ANTXR2: variants seen among roughly 807,000 people sequenced by gnomAD.
ANTXR2 encodes ANTXR cell adhesion molecule 2, also known as anthrax toxin receptor 2.
In ANTXR2, 44 loss-of-function variants were observed where a neutral mutation model predicts 73.7. The ratio of observed to expected loss-of-function variants is 0.60; its 90% CI spans 0.47 to 0.77. The LOEUF (loss-of-function observed/expected upper bound fraction) is 0.77, where lower values mean the gene tolerates loss of function less well. Among genes scored for constraint, ANTXR2 ranks in the 30% least tolerant of loss-of-function variants. The pLI is 0.00. For missense variants in ANTXR2, 604 were observed against 592.5 expected, an observed-to-expected ratio of 1.02 and a Z score of -0.20; for synonymous variants, 217 against 205.9, an observed-to-expected ratio of 1.05 and a Z score of -0.46.
rs373264816 is a variant in ANTXR2 at position 79,903,148 on chromosome 4, C to CAA, written c.*4279_*4280dup. On this transcript the variant is annotated 3_prime_UTR_variant, in exon 17 of 17. Coordinates refer to ENST00000403729, the MANE Select transcript of ANTXR2 (RefSeq NM_058172.6). ...TGGGTGACAGAGTGAGACTCTGTTT[C>CAA]AAAAAAAAGAAAAAAAATCTAGTCA... 756 of 144,102 alleles carry CAA rather than the reference C, an allele frequency of 5.2e-3. 8 individuals carry two copies. The highest frequency in any genetic ancestry group is 0.02 in the East Asian group (99 of 5,054). The allele number at this position is 144,102 out of a possible 1,614,324, so 8.9% of individuals were successfully genotyped here. A position where few individuals can be genotyped will look rare whatever the true frequency, so the allele number is the denominator to read the frequency against.
Position 80,072,708 on chromosome 4 carries a change from C to T in ANTXR2, c.-148G>A. 2.2e-6 allele frequency: 3 copies of T among 1,348,738 alleles called. No homozygotes were observed. The allele number at this position is 1,348,738 out of a possible 1,614,324, so 83.5% of individuals were successfully genotyped here. ...CCGGCGCCTGCGGCAGCGGGACCCA[C>T]CAGCTGACAGGGAGGGAGAGAGGGA... On this transcript the variant is annotated 5_prime_UTR_variant, in exon 1 of 17. The change creates a new upstream start codon in the 5' untranslated region. Coordinates refer to ENST00000403729, the MANE Select transcript of ANTXR2 (RefSeq NM_058172.6).
chr4:79,977,526 T>C (rs763650206), intron 16 of ANTXR2, 95 bp downstream of exon 16: 123 of 1,519,080 alleles, frequency 8.1e-5, no homozygotes, highest in East Asian at 3.0e-4. Flanking sequence ...TCAAGTGCAA[T>C]AGGGCTTTAA....
chr4:79,956,931 A>G (rs1364186856), intron 16 of ANTXR2, among the ~76,000 whole-genome samples: 1 of 152,120 alleles, frequency 6.6e-6, no homozygotes, highest in Non-Finnish European at 1.5e-5. Flanking sequence ...TTTGTGTTCT[A>G]AAAAACAGAG....
intron 12 of ANTXR2, among the ~76,000 whole-genome samples, chr4:80,003,111 C>T (rs1385856023): frequency 2.0e-5 from 3 of 151,956 alleles, no homozygotes; most frequent in Non-Finnish European, 4.4e-5. Flanking sequence ...CATATGCACA[C>T]GTATGTTTAT....
chr4:79,998,732 G>T (rs574077129), intron 12 of ANTXR2, among the ~76,000 whole-genome samples: 20 of 151,950 alleles, frequency 1.3e-4, no homozygotes, highest in Non-Finnish European at 2.5e-4. Flanking sequence ...TGGATATGAG[G>T]AAGGATACTC....
At chr4:80,009,120 C>G (rs1275229937) in intron 11 of ANTXR2, among the ~76,000 whole-genome samples, 1 of 152,158 alleles carries the variant, frequency 6.6e-6, no homozygotes, top group Non-Finnish European at 1.5e-5. Flanking sequence ...ATATACACAT[C>G]AATGCAAGAA....
chr4:79,954,693 A>C (rs1312257259), intron 16 of ANTXR2, among the ~76,000 whole-genome samples: 1 of 152,194 alleles, frequency 6.6e-6, no homozygotes, highest in Non-Finnish European at 1.5e-5. Context: ...ATATACTTTC[A>C]TCTAATTAAT....
At chr4:80,023,772 CAGTAAA>C (rs1732288526) in intron 10 of ANTXR2, among the ~76,000 whole-genome samples, 1 of 152,026 alleles carries the variant, frequency 6.6e-6, no homozygotes, top group African/African-American at 2.4e-5. Context: ...ACAGTCAAGG[CAGTAAA>C]AGTGATTCAG....
intron 16 of ANTXR2, among the ~76,000 whole-genome samples, chr4:79,964,186 C>A (rs1729258780): frequency 6.6e-6 from 1 of 152,174 alleles, no homozygotes; most frequent in South Asian, 2.1e-4. Context: ...TGAAGGTTAA[C>A]ATAACCTCGA....
intron 10 of ANTXR2, among the ~76,000 whole-genome samples, chr4:80,021,005 C>T (rs543121051): frequency 2.6e-5 from 4 of 151,732 alleles, no homozygotes; most frequent in Admixed American, 6.6e-5. Context: ...AAAAATTAGC[C>T]GGGCATGGTG....
intron 7 of ANTXR2, among the ~76,000 whole-genome samples, chr4:80,047,179 A>C (rs771436818): frequency 1.1e-4 from 17 of 151,844 alleles, no homozygotes; most frequent in Non-Finnish European, 2.2e-4. Context: ...TAATTTTCTT[A>C]AACTACAATC....
chr4:80,062,549 C>G (rs1274861545), intron 3 of ANTXR2, among the ~76,000 whole-genome samples: 4 of 152,214 alleles, frequency 2.6e-5, no homozygotes, highest in African/African-American at 9.7e-5. Context: ...CTGGACCCCT[C>G]AGGTTTAGCA....
intron 16 of ANTXR2, among the ~76,000 whole-genome samples, chr4:79,932,373 G>A (rs1193621347): frequency 6.6e-6 from 1 of 151,896 alleles, no homozygotes; most frequent in African/African-American, 2.4e-5. Context: ...AAGCATGCAT[G>A]TTTTGTTAAA....
At chr4:79,983,803 T>A in intron 14 of ANTXR2, 75 bp downstream of exon 14, 1 of 1,108,002 alleles carries the variant, frequency 9.0e-7, no homozygotes, top group Non-Finnish European at 1.4e-6. Flanking sequence ...TTGTGAAAAG[T>A]AGTTTCTATG....
intron 14 of ANTXR2, among the ~76,000 whole-genome samples, chr4:79,978,451 A>G (rs974976502): frequency 2.0e-5 from 3 of 152,072 alleles, no homozygotes; most frequent in Non-Finnish European, 1.5e-5. Flanking sequence ...TTAAATAAAG[A>G]GTCCATTTGT....
chr4:80,047,617 G>A (rs4370077), intron 7 of ANTXR2, among the ~76,000 whole-genome samples: 5 of 151,416 alleles, frequency 3.3e-5, no homozygotes, highest in Non-Finnish European at 7.4e-5. Context: ...TGACTCAACC[G>A]AATCAATTAG....
chr4:80,068,463 C>T (rs1734613900), intron 3 of ANTXR2, among the ~76,000 whole-genome samples: 2 of 152,088 alleles, frequency 1.3e-5, no homozygotes, highest in Non-Finnish European at 2.9e-5. Context: ...ACTATGGATC[C>T]CATTCTTTAA....
At chr4:79,995,941 T>C (rs1299498822) in intron 12 of ANTXR2, among the ~76,000 whole-genome samples, 1 of 152,046 alleles carries the variant, frequency 6.6e-6, no homozygotes. Flanking sequence ...GGCTCATCTG[T>C]GTGTTGTTAA....
rs950616323 is a variant in ANTXR2 at position 79,978,043 on chromosome 4, G to T, written c.1311C>A (p.His437Gln). Residue 437 changes from histidine to glutamine, a missense_variant, in exon 15 of 17, where the codon CAC becomes CAA. Coordinates refer to ENST00000403729, the MANE Select transcript of ANTXR2 (RefSeq NM_058172.6). ...TGTACCATTTTGTCTGAGGAGGCTG[G>T]TGTGTGGGTTTGGGTCGAGGTGGTC... ...RPRPPRPKPT[H>Q]QPPQTKWYTP... is the part of the protein sequence containing the mutation. 1 of 1,609,170 alleles carries T rather than the reference G, an allele frequency of 6.2e-7. No individual in the cohort carries two copies. The highest frequency in any genetic ancestry group is 1.7e-5 in the Admixed American group (1 of 58,454).
Sources: allele counts gnomAD v4.1 joint callset (sites outside exome capture counted in the v4.1 genomes callset), GRCh38; gene constraint gnomAD v4.1.1; transcripts MANE v1.5; gene names NCBI Gene and HGNC (gene_info 2026-07-23, HGNC 2026-07-21).